Variants in TNFRSF19 observed in about 807,000 individuals in gnomAD.
TNFRSF19 encodes tumor necrosis factor receptor superfamily member 19.
Under a neutral mutation model 46.4 loss-of-function variants are expected in TNFRSF19, and 27 were observed. The observed-to-expected ratio is 0.58, with a 90% CI of 0.43 to 0.80. The LOEUF is 0.80. Among genes scored for constraint, TNFRSF19 ranks in the 30% least tolerant of loss-of-function variants. The probability of loss-of-function intolerance (pLI) is 0.00; values close to 1 mark genes in which losing one functional copy is unlikely to be tolerated. For synonymous variants in TNFRSF19, 204 were observed against 205.0 expected, an observed-to-expected ratio of 1.00 and a Z score of 0.04; for missense variants, 511 against 530.8, an observed-to-expected ratio of 0.96 and a Z score of 0.37.
intron 9 of TNFRSF19, among the ~76,000 whole-genome samples, chr13:23,671,276 A>G (rs893250601): frequency 2.0e-5 from 3 of 152,230 alleles, no homozygotes; most frequent in Non-Finnish European, 2.9e-5. Context: ...ACTGAACCTG[A>G]TGAGAAAATA....
chr13:23,613,929 A>G lies in TNFRSF19; in HGVS notation c.181-1938A>G, dbSNP rs139462927. ...TATGCATCTTTATTGTTTTCCTATT[A>G]CAAGAGTAATGGATGCTTTTTGCAA... On this transcript the variant is annotated intron_variant, in intron 3 of 9. Coordinates refer to ENST00000248484, the MANE Select transcript of TNFRSF19 (RefSeq NM_148957.4). Among the ~76,000 whole-genome samples, 9 of 152,358 alleles carry G rather than the reference A, an allele frequency of 5.9e-5. No individual in the cohort carries two copies. In the East Asian group the frequency reaches 1.7e-3, roughly 29 times the overall value.
At chr13:23,647,940 A>G (rs547389562) in intron 5 of TNFRSF19, among the ~76,000 whole-genome samples, 29 of 152,192 alleles carry the variant, frequency 1.9e-4, no homozygotes, top group African/African-American at 7.0e-4. Flanking sequence ...ATTGGTCTAT[A>G]TGTCTGTCAT....
At chr13:23,672,589 G>T (rs1951775663) in intron 9 of TNFRSF19, among the ~76,000 whole-genome samples, 1 of 152,144 alleles carries the variant, frequency 6.6e-6, no homozygotes, top group South Asian at 2.1e-4. Context: ...CCTGTTATTG[G>T]AAGTGTTTCA....
intron 9 of TNFRSF19, chr13:23,669,719 G>C: frequency 1.0e-6 from 1 of 985,198 alleles, no homozygotes; most frequent in Non-Finnish European, 1.2e-6. Context: ...GAGAGATGGG[G>C]GCTTTCTGCG....
At chr13:23,585,901 T>A (rs1878789511) in intron 1 of TNFRSF19, among the ~76,000 whole-genome samples, 1 of 152,186 alleles carries the variant, frequency 6.6e-6, no homozygotes, top group Non-Finnish European at 1.5e-5. Context: ...CGTCAGATTG[T>A]CTAATTTTTC....
intron 5 of TNFRSF19, among the ~76,000 whole-genome samples, chr13:23,629,055 C>T (rs1325281313): frequency 1.3e-5 from 2 of 150,336 alleles, no homozygotes; most frequent in African/African-American, 4.9e-5. Context: ...TTTTGTAAGG[C>T]GCCTTATGTT....
At chr13:23,644,925 C>T (rs1487139552) in intron 5 of TNFRSF19, among the ~76,000 whole-genome samples, 1 of 152,154 alleles carries the variant, frequency 6.6e-6, no homozygotes, top group Non-Finnish European at 1.5e-5. Context: ...CTTCTGTGAT[C>T]CTCTATTTGA....
intron 5 of TNFRSF19, among the ~76,000 whole-genome samples, chr13:23,632,388 G>A (rs1056177378): frequency 2.6e-5 from 4 of 152,172 alleles, no homozygotes; most frequent in African/African-American, 9.7e-5. Flanking sequence ...TTTCAGGGCA[G>A]GGAATAGGAA....
rs1951816348 is a variant in TNFRSF19 at position 23,675,509 on chromosome 13, T to G, written c.*2129T>G. The G allele has an allele frequency of 6.6e-6, 1 of 152,244 alleles. No homozygotes were observed. The highest frequency in any genetic ancestry group is 6.5e-5 in the Admixed American group (1 of 15,284). 9.4% of individuals were successfully genotyped at this position (152,244 alleles called of 1,614,324 possible). The stretch of plus-strand genomic sequence containing the variant: ...GTTGAAAATTGATTTCATTTGCTAC[T>G]GAATTTGGTAAATCCTGGGTAACTT... On this transcript the variant is annotated 3_prime_UTR_variant, in exon 10 of 10. Coordinates refer to ENST00000248484, the MANE Select transcript of TNFRSF19 (RefSeq NM_148957.4).
At chr13:23,571,925 A>T (rs1877659840) in intron 1 of TNFRSF19, among the ~76,000 whole-genome samples, 1 of 151,838 alleles carries the variant, frequency 6.6e-6, no homozygotes, top group African/African-American at 2.4e-5. Flanking sequence ...ATATTTAATT[A>T]TTATCACAAG....
chr13:23,592,242 C>T (rs1879361686), intron 2 of TNFRSF19, among the ~76,000 whole-genome samples: 1 of 152,250 alleles, frequency 6.6e-6, no homozygotes, highest in African/African-American at 2.4e-5. Flanking sequence ...TCTGTTACCC[C>T]AGTTCCTCCT....
chr13:23,619,202 A>G (rs1465980535), intron 4 of TNFRSF19, among the ~76,000 whole-genome samples: 2 of 125,704 alleles, frequency 1.6e-5, no homozygotes, highest in Non-Finnish European at 3.6e-5. Context: ...TCATCAGTAA[A>G]AAGGAAGGAA....
intron 1 of TNFRSF19, among the ~76,000 whole-genome samples, chr13:23,575,063 C>T (rs1204837515): frequency 1.3e-5 from 2 of 152,236 alleles, no homozygotes; most frequent in African/African-American, 2.4e-5. Flanking sequence ...TAAATGCCCC[C>T]CATTCTTTGG....
At chr13:23,588,778 T>C (rs998125677) in intron 1 of TNFRSF19, among the ~76,000 whole-genome samples, 4 of 152,176 alleles carry the variant, frequency 2.6e-5, no homozygotes, top group African/African-American at 7.2e-5. Flanking sequence ...CTGGTTGATT[T>C]TGAGATATGC....
Position 23,673,388 on chromosome 13 carries a change from G to A in TNFRSF19, c.*8G>A. 6.2e-7 allele frequency: 1 copy of A among 1,604,212 alleles called. No individual in the cohort carries two copies. Among genetic ancestry groups the A allele is most frequent in the South Asian group, 1.1e-5 (1 of 89,118 alleles). ...CTGTTTTAGGAAGCTTAAAGAACCT[G>A]CTTCTTTCTGCAGTAGAAGCGTGTG... On this transcript the variant is annotated 3_prime_UTR_variant, in exon 10 of 10. Coordinates refer to ENST00000248484, the MANE Select transcript of TNFRSF19 (RefSeq NM_148957.4).
At chr13:23,646,445 T>A (rs1338903065) in intron 5 of TNFRSF19, among the ~76,000 whole-genome samples, 1 of 152,154 alleles carries the variant, frequency 6.6e-6, no homozygotes. Flanking sequence ...CTCCTGTGCC[T>A]CCCTTCCCCC....
chr13:23,589,492 C>T (rs1339680981), intron 1 of TNFRSF19, among the ~76,000 whole-genome samples: 4 of 152,210 alleles, frequency 2.6e-5, no homozygotes, highest in African/African-American at 9.6e-5. Context: ...TGTCAAGATA[C>T]AAGCCTGGTG....
chr13:23,634,577 T>C (rs764098212), intron 5 of TNFRSF19, among the ~76,000 whole-genome samples: 5 of 152,226 alleles, frequency 3.3e-5, no homozygotes, highest in Non-Finnish European at 5.9e-5. Flanking sequence ...CCACACGTAG[T>C]GAAACAGTGC....
intron 5 of TNFRSF19, among the ~76,000 whole-genome samples, chr13:23,628,544 T>A (rs1379730248): frequency 6.6e-6 from 1 of 152,126 alleles, no homozygotes; most frequent in East Asian, 1.9e-4. Flanking sequence ...AGTCAGAAAG[T>A]CTTAGGGGTT....
Sources: gnomAD v4.1 joint callset for allele counts (sites outside exome capture counted in the v4.1 genomes callset) on GRCh38, gnomAD v4.1.1 for gene constraint, MANE v1.5 for transcripts, NCBI Gene and HGNC (gene_info 2026-07-23, HGNC 2026-07-21) for gene names.